TMEM19: variants seen among roughly 807,000 people sequenced by gnomAD.
The protein encoded by TMEM19 is transmembrane protein 19.
Under a neutral mutation model 33.6 loss-of-function variants are expected in TMEM19, and 21 were observed. That is an observed-to-expected ratio of 0.62 (90% CI 0.44 to 0.90). TMEM19 has a LOEUF of 0.90. Ranked by LOEUF, TMEM19 falls within the 40% of genes least tolerant of loss-of-function variation. The probability of loss-of-function intolerance (pLI) is 0.00; values close to 1 mark genes in which losing one functional copy is unlikely to be tolerated. For missense variants in TMEM19, 402 were observed against 401.8 expected, an observed-to-expected ratio of 1.00 and a Z score of 0.00; for synonymous variants, 149 against 147.5, an observed-to-expected ratio of 1.01 and a Z score of -0.07.
chr12:71,698,660 A>AGAGAG (rs1483152191), intron 4 of TMEM19, among the ~76,000 whole-genome samples: 1 of 145,280 alleles, frequency 6.9e-6, no homozygotes, highest in Non-Finnish European at 1.5e-5. Flanking sequence ...AGAGAGAGAG[A>AGAGAG]AGCAGAACCA....
intron 1 of TMEM19, among the ~76,000 whole-genome samples, chr12:71,689,110 C>T (rs1881740858): frequency 6.6e-6 from 1 of 152,182 alleles, no homozygotes; most frequent in Admixed American, 6.5e-5. Flanking sequence ...AATATGCATG[C>T]ATGTCTCAAC....
At chr12:71,694,030 A>C (rs1881830283) in intron 2 of TMEM19, among the ~76,000 whole-genome samples, 1 of 152,190 alleles carries the variant, frequency 6.6e-6, no homozygotes, top group East Asian at 1.9e-4. Flanking sequence ...AGTTATAAGA[A>C]ATTTTACTTT....
intron 2 of TMEM19, among the ~76,000 whole-genome samples, chr12:71,691,240 T>C (rs181957960): frequency 1.6e-4 from 25 of 152,290 alleles, no homozygotes; most frequent in African/African-American, 5.8e-4. Flanking sequence ...TTTTGTGGGG[T>C]AATTGAGAAT....
rs1881931620 is a variant in TMEM19, at chr12:71,699,076, G to A, written c.814G>A (p.Asp272Asn). 1.2e-6 allele frequency: 2 copies of A among 1,614,000 alleles called. No homozygotes were observed. Among genetic ancestry groups the A allele is most frequent in the Non-Finnish European group, 1.7e-6 (2 of 1,180,040 alleles). The change falls in exon 5 of 6, where the codon GAC (aspartate) becomes AAC (asparagine). Residue 272 changes from aspartate to asparagine, a missense_variant. Asp to Asn is a conservative substitution (Grantham distance 23). Transcript: ENST00000266673. The part of the protein sequence containing the change: ...GLAGLLGSIV[D>N]SYLGATMQYT... ...AGCTGGATTACTAGGATCAATTGTGGACTCATACTTAGGGGCTACAATGCA... is the reference window on the plus strand; with the variant it reads ...AGCTGGATTACTAGGATCAATTGTGAACTCATACTTAGGGGCTACAATGCA...
At position 71,697,386 on chromosome 12, in the gene TMEM19, T is replaced by C; in HGVS notation, c.489T>C (p.Phe163=). 6.2e-7 allele frequency: 1 copy of C among 1,611,546 alleles called. No homozygotes were observed. Among genetic ancestry groups the C allele is most frequent in the Non-Finnish European group, 8.5e-7 (1 of 1,179,072 alleles). Residue 163 remains phenylalanine (F), a synonymous_variant, in exon 4 of 6, where the codon TTT becomes TTC. Coordinates refer to ENST00000266673, the MANE Select transcript of TMEM19 (RefSeq NM_018279.4). ...ENGPGEIPVD[F]SKQYSASWMC... Reference sequence around the variant, plus strand: ...GCCCCGGGGAAATCCCAGTCGATTTTTCCAAGCAGTACTCCGCTTCCTGGA... The same window carrying C: ...GCCCCGGGGAAATCCCAGTCGATTTCTCCAAGCAGTACTCCGCTTCCTGGA...
rs1174881597 is a variant in TMEM19 at position 71,704,074 on chromosome 12, T to C, written c.*3079T>C. 5 of 424,984 alleles carry C rather than the reference T, an allele frequency of 1.2e-5. No homozygotes were observed. The highest frequency in any genetic ancestry group is 7.1e-5 in the East Asian group (1 of 14,012). 26.3% of individuals were successfully genotyped at this position (424,984 alleles called of 1,614,324 possible). On this transcript the variant is annotated 3_prime_UTR_variant, in exon 6 of 6. Coordinates refer to ENST00000266673, the MANE Select transcript of TMEM19 (RefSeq NM_018279.4). ...TAGCAGCATAAAGGTGTACTGTTTCTTATCATACTGTTCCATGATAGAAGA... is the reference window on the plus strand; with the variant it reads ...TAGCAGCATAAAGGTGTACTGTTTCCTATCATACTGTTCCATGATAGAAGA...
intron 2 of TMEM19, among the ~76,000 whole-genome samples, chr12:71,694,752 C>G (rs188410801): frequency 1.4e-4 from 22 of 152,282 alleles, no homozygotes; most frequent in Admixed American, 1.2e-3. Context: ...CCTTCACTTT[C>G]TACATTTTGG....
rs185689768 is a variant in TMEM19 at position 71,688,422 on chromosome 12, G to T, written c.131-1169G>T. ...TTTTTGTATTTGTAGTAGAGACAGG[G>T]TTTCATCATGTTGGCCAGGCTGGGT... On this transcript the variant is annotated intron_variant, in intron 1 of 5. Coordinates refer to ENST00000266673, the MANE Select transcript of TMEM19 (RefSeq NM_018279.4). Among the ~76,000 whole-genome samples the T allele has an allele frequency of 1.1e-4, 17 of 152,242 alleles. 1 individual carries two copies. The East Asian group carries it at 3.1e-3, about 28-fold the overall frequency.
At chr12:71,692,558 A>G (rs1356682468) in intron 2 of TMEM19, among the ~76,000 whole-genome samples, 2 of 152,240 alleles carry the variant, frequency 1.3e-5, no homozygotes, top group East Asian at 3.8e-4. Flanking sequence ...AGAGTTGGAA[A>G]TGATCAAATG....
rs1881990224 is a variant in TMEM19, at chr12:71,702,214, A to G, written c.*1219A>G. The G allele has an allele frequency of 6.6e-6, 1 of 152,196 alleles. No individual in the cohort carries two copies. Among genetic ancestry groups the G allele is most frequent in the Non-Finnish European group, 1.5e-5 (1 of 68,044 alleles). 9.4% of individuals were successfully genotyped at this position (152,196 alleles called of 1,614,324 possible). A position where few individuals can be genotyped will look rare whatever the true frequency, so the allele number is the denominator to read the frequency against. On this transcript the variant is annotated 3_prime_UTR_variant, in exon 6 of 6. Transcript: ENST00000266673. ...ACTGACTTACTTCAGGACAGAAGAA[A>G]AAACAATCACACCCTTAACCTTTAA...
At position 71,700,976 on chromosome 12, in the gene TMEM19, GT is replaced by G. The variant is rs1400445464; in HGVS notation, c.997del (p.Trp333GlyfsTer13). 3.7e-6 allele frequency: 6 copies of G among 1,610,870 alleles called. No homozygotes were observed. Among genetic ancestry groups the G allele is most frequent in the East Asian group, 2.2e-5 (1 of 44,720 alleles). On this transcript the variant is annotated frameshift_variant, in exon 6 of 6. Coordinates refer to ENST00000266673, the MANE Select transcript of TMEM19 (RefSeq NM_018279.4). LOFTEE classifies it high-confidence loss of function. ...CTCTTGCTCCCAACTGCTGCTTGGG[GT>G]TTTTGGCCCAGGGGGTGAACTTTAT... is the stretch of plus-strand genomic sequence containing the variant. Reference protein sequence around the residue: ...IALLLPTAAWGFWPRG With the variant: ...IALLLPTAAWXFWPRG
chr12:71,691,605 CAAAAAAAAAAAAAAAAA>C (rs57138830), intron 2 of TMEM19, among the ~76,000 whole-genome samples: 36 of 49,514 alleles, frequency 7.3e-4, no homozygotes, highest in Middle Eastern at 0.042. Flanking sequence ...TTCACCTCTA[CAAAAAAAAAAAAAAAAA>C]AAAAAAAAAA....
chr12:71,698,802 C>G (rs914578238), intron 4 of TMEM19, 98 bp from the exon 5 acceptor site: 1 of 1,070,668 alleles, frequency 9.3e-7, no homozygotes, highest in African/African-American at 1.6e-5. Flanking sequence ...AGAATGCTTT[C>G]TTTAAATTAG....
chr12:71,699,186 A>G (rs773336463), intron 5 of TMEM19, 77 bp downstream of exon 5: 44 of 1,486,422 alleles, frequency 3.0e-5, no homozygotes, highest in Non-Finnish European at 4.0e-5. Context: ...AATGTTAACA[A>G]TGAAAACAAA....
chr12:71,690,178 G>A (rs1350440022), intron 2 of TMEM19, among the ~76,000 whole-genome samples: 2 of 151,702 alleles, frequency 1.3e-5, no homozygotes, highest in African/African-American at 4.8e-5. Context: ...TTTTTCCCGA[G>A]ACAGTCTTGC....
chr12:71,696,626 A>T (rs1423227928), intron 3 of TMEM19, 53 bp downstream of exon 3: 9 of 1,454,068 alleles, frequency 6.2e-6, no homozygotes, highest in Non-Finnish European at 8.3e-6. Flanking sequence ...TAATCCTAAC[A>T]TAAGGTTTTT....
Position 71,689,632 on chromosome 12 carries a change from G to A in TMEM19, c.172G>A (p.Val58Ile), listed in dbSNP as rs80148012. The change falls in exon 2 of 6, where the codon GTT becomes ATT. Residue 58 changes from valine to isoleucine, a missense_variant. Physicochemically the swap from Val to Ile is conservative, Grantham distance 29. Coordinates refer to ENST00000266673, the MANE Select transcript of TMEM19 (RefSeq NM_018279.4). Reference sequence around the variant, plus strand: ...TTCTCCGTGGCGTTGGCTGTTTTCTGTTGTTGTTCCTGTTCTGATCGTCTC... The same window carrying A: ...TTCTCCGTGGCGTTGGCTGTTTTCTATTGTTGTTCCTGTTCTGATCGTCTC... Reference protein sequence around the residue: ...PISPWRWLFSVVVPVLIVSNG... With the variant: ...PISPWRWLFSIVVPVLIVSNG... 2 of 1,613,844 alleles carry A rather than the reference G, an allele frequency of 1.2e-6. No individual in the cohort carries two copies. The highest frequency in any genetic ancestry group is 1.7e-6 in the Non-Finnish European group (2 of 1,179,998).
At chr12:71,692,409 A>G (rs545680929) in intron 2 of TMEM19, among the ~76,000 whole-genome samples, 1 of 152,320 alleles carries the variant, frequency 6.6e-6, no homozygotes, top group East Asian at 1.9e-4. Flanking sequence ...GAAAACTGAA[A>G]CTAACACTTG....
Position 71,686,257 on chromosome 12 carries a change from C to T in TMEM19, c.-424C>T, listed in dbSNP as rs548017635. On this transcript the variant is annotated 5_prime_UTR_variant, in exon 1 of 6. Coordinates refer to ENST00000266673, the MANE Select transcript of TMEM19 (RefSeq NM_018279.4). ...TCCCAGACTTGCCCAAGTTCGGGTG[C>T]CCTAGCTGCCCCTTTGCAGCCGCTG... 9 of 222,638 alleles carry T rather than the reference C, an allele frequency of 4.0e-5. No homozygotes were observed. In the East Asian group the frequency reaches 7.3e-4, roughly 18 times the overall value. The allele number at this position is 222,638 out of a possible 1,614,324, so 13.8% of individuals were successfully genotyped here.
Sources: gnomAD v4.1 joint callset for allele counts (sites outside exome capture counted in the v4.1 genomes callset) on GRCh38, gnomAD v4.1.1 for gene constraint, MANE v1.5 for transcripts, NCBI Gene and HGNC (gene_info 2026-07-23, HGNC 2026-07-21) for gene names.